MYO1D: variants seen among roughly 807,000 people sequenced by gnomAD.
MYO1D encodes the protein myosin ID, also known as unconventional myosin-Id.
A neutral mutation model predicts 122.0 loss-of-function variants in MYO1D; 83 were observed. That is an observed-to-expected ratio of 0.68 (90% CI 0.57 to 0.82). The LOEUF (loss-of-function observed/expected upper bound fraction) is 0.82. MYO1D is among the 40% of genes least tolerant of loss of function. The pLI, the probability that MYO1D is intolerant of heterozygous loss-of-function variation, is 0.00. For synonymous variants in MYO1D, 464 were observed against 446.9 expected (o/e 1.04, Z -0.48); for missense variants, 1,157 against 1,269.5 (o/e 0.91, Z 1.35).
At chr17:32,763,291 C>A (rs1186581847) in intron 8 of MYO1D, among the ~76,000 whole-genome samples, 1 of 151,770 alleles carries the variant, frequency 6.6e-6, no homozygotes, top group Non-Finnish European at 1.5e-5. Flanking sequence ...AACTAAAAAC[C>A]AAGCCTAAGA....
At chr17:32,518,318 T>A (rs1909971354) in intron 21 of MYO1D, 1 of 156,234 alleles carries the variant, frequency 6.4e-6, no homozygotes, top group Non-Finnish European at 1.4e-5. Context: ...CTTGTAAACA[T>A]GAGTTGCACA....
chr17:32,754,061 AT>A (rs1201478204), intron 11 of MYO1D, among the ~76,000 whole-genome samples: 3 of 152,226 alleles, frequency 2.0e-5, no homozygotes, highest in Non-Finnish European at 4.4e-5. Context: ...AATAAGATTT[AT>A]TTGACATGAT....
intron 1 of MYO1D, among the ~76,000 whole-genome samples, chr17:32,866,758 G>A (rs2091128814): frequency 6.6e-6 from 1 of 152,208 alleles, no homozygotes; most frequent in African/African-American, 2.4e-5. Flanking sequence ...AAGCTGGCTA[G>A]CAGCACAGCC....
chr17:32,784,877 A>G (rs2090277154), intron 1 of MYO1D, among the ~76,000 whole-genome samples: 1 of 152,132 alleles, frequency 6.6e-6, no homozygotes, highest in Admixed American at 6.5e-5. Flanking sequence ...GTCAGAGTAG[A>G]AGGCTGTGTT....
At chr17:32,635,745 T>A (rs2088090153) in intron 20 of MYO1D, among the ~76,000 whole-genome samples, 1 of 151,992 alleles carries the variant, frequency 6.6e-6, no homozygotes, top group African/African-American at 2.4e-5. Context: ...GCGCTTACAG[T>A]CTGTCCTTGG....
chr17:32,801,853 T>C (rs529389897), intron 1 of MYO1D, among the ~76,000 whole-genome samples: 9 of 152,104 alleles, frequency 5.9e-5, no homozygotes, highest in African/African-American at 2.2e-4. Flanking sequence ...ACACAGGAAA[T>C]ACAAGATGAA....
intron 1 of MYO1D, chr17:32,830,350 T>C (rs1238665109): frequency 6.6e-6 from 1 of 152,222 alleles, no homozygotes; most frequent in East Asian, 1.9e-4. Context: ...AAATAGCATT[T>C]ATCACACAAT....
At chr17:32,499,505 A>G (rs1597858147) in intron 21 of MYO1D, among the ~76,000 whole-genome samples, 1 of 150,144 alleles carries the variant, frequency 6.7e-6, no homozygotes, top group Non-Finnish European at 1.5e-5. Flanking sequence ...GTGGTGGTGC[A>G]TGCCTGTAAT....
intron 21 of MYO1D, among the ~76,000 whole-genome samples, chr17:32,522,654 A>T (rs1008472154): frequency 6.6e-6 from 1 of 152,136 alleles, no homozygotes; most frequent in Non-Finnish European, 1.5e-5. Flanking sequence ...AAGGGGCAGT[A>T]TGAGGACCCT....
At chr17:32,801,811 TACTAAAGGAA>T (rs1567648812) in intron 1 of MYO1D, among the ~76,000 whole-genome samples, 1 of 152,104 alleles carries the variant, frequency 6.6e-6, no homozygotes, top group Non-Finnish European at 1.5e-5. Context: ...CTAAATGCTA[TACTAAAGGAA>T]ACGGCTGAAT....
At chr17:32,863,885 A>G (rs2091099102) in intron 1 of MYO1D, among the ~76,000 whole-genome samples, 1 of 152,126 alleles carries the variant, frequency 6.6e-6, no homozygotes, top group Non-Finnish European at 1.5e-5. Context: ...AGATTTTTTA[A>G]GTTTTACTGT....
chr17:32,863,263 C>T (rs1283483169), intron 1 of MYO1D, among the ~76,000 whole-genome samples: 6 of 152,202 alleles, frequency 3.9e-5, no homozygotes, highest in African/African-American at 1.2e-4. Context: ...TAGCACCTTA[C>T]CTACTTAGAA....
At chr17:32,632,179 T>C (rs1191136216) in intron 20 of MYO1D, among the ~76,000 whole-genome samples, 1 of 152,186 alleles carries the variant, frequency 6.6e-6, no homozygotes, top group Non-Finnish European at 1.5e-5. Context: ...TTTGAGTTTT[T>C]AAAGTTTGGC....
intron 21 of MYO1D, among the ~76,000 whole-genome samples, chr17:32,502,796 G>A (rs1909360389): frequency 6.6e-6 from 1 of 152,206 alleles, no homozygotes; most frequent in South Asian, 2.1e-4. Flanking sequence ...AATCCAACTA[G>A]AGCCAGAATT....
intron 20 of MYO1D, among the ~76,000 whole-genome samples, chr17:32,619,284 C>T (rs1330940493): frequency 6.6e-6 from 1 of 152,132 alleles, no homozygotes; most frequent in African/African-American, 2.4e-5. Context: ...CTTTTAATTA[C>T]TGCTTCAGAT....
At chr17:32,642,730 G>A (rs1449488184) in intron 19 of MYO1D, among the ~76,000 whole-genome samples, 2 of 152,130 alleles carry the variant, frequency 1.3e-5, no homozygotes, top group African/African-American at 4.8e-5. Flanking sequence ...CTCTCTGTCT[G>A]TTATTGGTGT....
chr17:32,862,944 G>A (rs1203966078), intron 1 of MYO1D: 1 of 152,188 alleles, frequency 6.6e-6, no homozygotes, highest in African/African-American at 2.4e-5. Context: ...ATCTCCAGAA[G>A]ACAGAGTCCG....
At chr17:32,748,377 C>A (rs1410008992) in intron 12 of MYO1D, among the ~76,000 whole-genome samples, 9 of 151,958 alleles carry the variant, frequency 5.9e-5, no homozygotes, top group Non-Finnish European at 1.0e-4. Flanking sequence ...TTTTCTCTCC[C>A]CTCTTCCTAA....
At chr17:32,681,709 GA>G (rs1382102246) in intron 16 of MYO1D, among the ~76,000 whole-genome samples, 2 of 148,678 alleles carry the variant, frequency 1.3e-5, no homozygotes, top group African/African-American at 2.5e-5. Flanking sequence ...GTGTGGTGCT[GA>G]AAAAAATGTA....
Sources: allele counts gnomAD v4.1 joint callset (sites outside exome capture counted in the v4.1 genomes callset), GRCh38; gene constraint gnomAD v4.1.1; transcripts MANE v1.5; gene names NCBI Gene and HGNC (gene_info 2026-07-23, HGNC 2026-07-21).